The following CELF2 variants were observed in gnomAD, a reference collection of about 807,000 sequenced individuals.
The protein encoded by CELF2 is CUG triplet repeat RNA-binding protein 2.
CELF2 carries 8 observed loss-of-function variants against 62.6 expected under a neutral mutation model. The observed-to-expected ratio is 0.13, with a 90% CI of 0.07 to 0.23. The LOEUF (loss-of-function observed/expected upper bound fraction) is 0.23, where lower values mean the gene tolerates loss of function less well. CELF2 is among the 10% of genes least tolerant of loss of function. The pLI is 1.00. For missense variants in CELF2, 333 were observed against 671.0 expected (o/e 0.50, Z 5.56); for synonymous variants, 258 against 250.0 (o/e 1.03, Z -0.30).
intron 1 of CELF2, among the ~76,000 whole-genome samples, chr10:11,023,098 C>T (rs1225893442): frequency 1.3e-5 from 2 of 152,102 alleles, no homozygotes; most frequent in Non-Finnish European, 2.9e-5. Context: ...ACGGGAGGGT[C>T]ACATTTTCGC....
chr10:11,150,205 A>T (rs1469450748), intron 1 of CELF2, among the ~76,000 whole-genome samples: 1 of 152,192 alleles, frequency 6.6e-6, no homozygotes, highest in African/African-American at 2.4e-5. Context: ...AAACATACAC[A>T]CTTTGTGATT....
rs3054364 is a variant in CELF2, at chr10:11,103,487, A to ATTTTTTTTTTTTTTTTTT, written c.75-61996_75-61979dup. On this transcript the variant is annotated intron_variant, in intron 1 of 12. Transcript: ENST00000633077. ...CGGATAAACCTGTGTTTGTAGCCTG[A>ATTTTTTTTTTTTTTTTTT]TTTTTTTTTTTTTTTTTTTTACTGT... Among the ~76,000 whole-genome samples the ATTTTTTTTTTTTTTTTTT allele has an allele frequency of 3.2e-3, 382 of 119,640 alleles. 13 individuals carry two copies. The highest frequency in any genetic ancestry group is 8.8e-3 in the East Asian group (37 of 4,198). 78.5% of individuals were successfully genotyped at this position (119,640 alleles called of 152,430 possible). A position where few individuals can be genotyped will look rare whatever the true frequency, so the allele number is the denominator to read the frequency against.
At chr10:10,965,280 T>C (rs1173069710) in intron 2 of CELF2, among the ~76,000 whole-genome samples, 1 of 152,192 alleles carries the variant, frequency 6.6e-6, no homozygotes, top group African/African-American at 2.4e-5. Flanking sequence ...TAATTTCATG[T>C]GTGTCAGCTT....
chr10:10,552,741 C>T, the CELF2 span, among the ~76,000 whole-genome samples: 507 of 152,266 alleles, frequency 3.3e-3, 2 homozygotes, highest in African/African-American at 0.012. Context: ...GCTGCTTTTT[C>T]CTTTCTGATG....
intron 1 of CELF2, among the ~76,000 whole-genome samples, chr10:11,138,597 A>G (rs1334222679): frequency 6.6e-6 from 1 of 152,240 alleles, no homozygotes; most frequent in Non-Finnish European, 1.5e-5. Context: ...ATCGAACAGT[A>G]AAAAGATGAG....
the CELF2 span, among the ~76,000 whole-genome samples, chr10:10,644,501 G>C: frequency 6.6e-6 from 1 of 151,962 alleles, no homozygotes; most frequent in Non-Finnish European, 1.5e-5. Context: ...TTTCACCGCA[G>C]TTGAGCCCAG....
At chr10:11,082,133 C>T (rs985622895) in intron 1 of CELF2, among the ~76,000 whole-genome samples, 2 of 152,194 alleles carry the variant, frequency 1.3e-5, no homozygotes, top group East Asian at 3.9e-4. Context: ...GAAGGTGACA[C>T]CCCCTGTCCA....
At chr10:10,849,876 C>T (rs1223408186) in intron 1 of CELF2, among the ~76,000 whole-genome samples, 3 of 151,904 alleles carry the variant, frequency 2.0e-5, no homozygotes, top group African/African-American at 7.3e-5. Flanking sequence ...GGTGTGGTGG[C>T]TCATGCCTGT....
the CELF2 span, among the ~76,000 whole-genome samples, chr10:10,573,936 A>C: frequency 6.6e-6 from 1 of 152,154 alleles, no homozygotes; most frequent in Non-Finnish European, 1.5e-5. Context: ...AAAGCCAATA[A>C]GTATTAAATG....
chr10:10,909,196 G>C (rs949153432), intron 1 of CELF2, among the ~76,000 whole-genome samples: 6 of 152,192 alleles, frequency 3.9e-5, no homozygotes, highest in Non-Finnish European at 8.8e-5. Flanking sequence ...CCTCTGAGGG[G>C]CTGTCCTTTT....
chr10:10,890,365 C>T (rs1240915471), intron 1 of CELF2, among the ~76,000 whole-genome samples: 3 of 152,162 alleles, frequency 2.0e-5, no homozygotes, highest in Non-Finnish European at 2.9e-5. Context: ...ATGCATGCCC[C>T]GCCCCTCACC....
chr10:10,511,409 T>A, the CELF2 span, among the ~76,000 whole-genome samples: 28 of 152,134 alleles, frequency 1.8e-4, no homozygotes, highest in East Asian at 4.8e-3. Flanking sequence ...TAAGACTCCA[T>A]CTCAAAACTA....
intron 2 of CELF2, among the ~76,000 whole-genome samples, chr10:11,173,842 A>G (rs2069903348): frequency 6.6e-6 from 1 of 152,254 alleles, no homozygotes; most frequent in Non-Finnish European, 1.5e-5. Flanking sequence ...GGCTGGAAAG[A>G]TAATTGACCA....
At chr10:11,172,714 A>T (rs769828902) in intron 2 of CELF2, among the ~76,000 whole-genome samples, 1 of 152,218 alleles carries the variant, frequency 6.6e-6, no homozygotes, top group Non-Finnish European at 1.5e-5. Context: ...AGGGAGACAA[A>T]AAAGACCGAC....
chr10:11,040,655 C>G (rs989920145), intron 1 of CELF2, among the ~76,000 whole-genome samples: 1 of 152,096 alleles, frequency 6.6e-6, no homozygotes, highest in African/African-American at 2.4e-5. Flanking sequence ...CGTTACCATC[C>G]TAGGTGCTGG....
At chr10:10,559,581 A>G in the CELF2 span, among the ~76,000 whole-genome samples, 5 of 152,226 alleles carry the variant, frequency 3.3e-5, no homozygotes, top group South Asian at 2.1e-4. Context: ...CTTAAGCACC[A>G]GCAGTGATCC....
In CELF2 at chr10:11,257,729, A is replaced by G; in HGVS notation, c.404-9A>G. On this transcript the variant is annotated splice_polypyrimidine_tract_variant and intron_variant, in intron 4 of 12. Transcript: ENST00000633077. ...TGGCCTTTGCTCATTCGTTATTTTT[A>G]TCTCCTAGCTGTGGAAGACAGAAAA... is the stretch of plus-strand genomic sequence containing the variant. The G allele has an allele frequency of 6.2e-7, 1 of 1,611,908 alleles. No homozygotes were observed. The highest frequency in any genetic ancestry group is 8.5e-7 in the Non-Finnish European group (1 of 1,178,060).
At chr10:11,275,470 G>A (rs1033617148) in intron 8 of CELF2, among the ~76,000 whole-genome samples, 1 of 152,114 alleles carries the variant, frequency 6.6e-6, no homozygotes, top group Non-Finnish European at 1.5e-5. Flanking sequence ...CCTATATCTA[G>A]GGCAGCCAAA....
chr10:10,698,492 T>C, the CELF2 span, among the ~76,000 whole-genome samples: 1 of 152,236 alleles, frequency 6.6e-6, no homozygotes, highest in South Asian at 2.1e-4. Context: ...TTTCTTTGCT[T>C]TTCCTAATTT....
Sources: allele counts gnomAD v4.1 joint callset (sites outside exome capture counted in the v4.1 genomes callset), GRCh38; gene constraint gnomAD v4.1.1; transcripts MANE v1.5; gene names NCBI Gene and HGNC (gene_info 2026-07-23, HGNC 2026-07-21).